Variants in PLCL1 observed in about 807,000 individuals in gnomAD.
The protein encoded by PLCL1 is inactive phospholipase C-like protein 1.
A neutral mutation model predicts 84.4 loss-of-function variants in PLCL1; 41 were observed. The observed-to-expected ratio is 0.49, with a 90% CI of 0.38 to 0.63. The LOEUF (loss-of-function observed/expected upper bound fraction) is 0.63, where lower values mean the gene tolerates loss of function less well. PLCL1 is among the 30% of genes least tolerant of loss of function. The pLI, the probability that PLCL1 is intolerant of heterozygous loss-of-function variation, is 0.00. For synonymous variants in PLCL1, 490 were observed against 488.3 expected (o/e 1.00, Z -0.05); for missense variants, 1,206 against 1,367.8 (o/e 0.88, Z 1.87).
At chr2:198,004,163 A>G (rs528051759) in intron 1 of PLCL1, among the ~76,000 whole-genome samples, 2 of 152,190 alleles carry the variant, frequency 1.3e-5, no homozygotes, top group African/African-American at 4.8e-5. Context: ...GCAAGTCTGG[A>G]AGCTGGGCCA....
At chr2:198,106,618 A>G (rs994746519) in intron 5 of PLCL1, among the ~76,000 whole-genome samples, 1 of 151,934 alleles carries the variant, frequency 6.6e-6, no homozygotes, top group Admixed American at 6.6e-5. Flanking sequence ...GAAAGGTGCT[A>G]GGGATACAAA....
At chr2:198,111,675 A>C (rs1284090217) in intron 5 of PLCL1, among the ~76,000 whole-genome samples, 1 of 151,918 alleles carries the variant, frequency 6.6e-6, no homozygotes, top group Non-Finnish European at 1.5e-5. Flanking sequence ...CCCATTTTAC[A>C]GATAGGGGAA....
chr2:197,908,777 T>C (rs1368791594), intron 1 of PLCL1, among the ~76,000 whole-genome samples: 2 of 152,216 alleles, frequency 1.3e-5, no homozygotes, highest in Non-Finnish European at 2.9e-5. Context: ...TTGTCTGAAA[T>C]AATGCTCTTC....
rs114187248 is a variant in PLCL1 at position 198,078,411 on chromosome 2, A to G, written c.241-5347A>G. ...TTGCTTGGAACTTCACAAAACCAGA[A>G]TGAATAGCATATTTTTATAGTGTAT... On this transcript the variant is annotated intron_variant, in intron 1 of 5. Coordinates refer to ENST00000428675, the MANE Select transcript of PLCL1 (RefSeq NM_006226.4). Among the ~76,000 whole-genome samples the G allele has an allele frequency of 3.1e-3, 465 of 152,316 alleles. 2 individuals carry two copies. Among genetic ancestry groups the G allele is most frequent in the African/African-American group, 0.011 (440 of 41,576 alleles).
In PLCL1 at chr2:198,118,196, G is replaced by A. The variant is rs181901819; in HGVS notation, c.3105+14260G>A. ...ATATAATAATTACAAATGCCATCAA[G>A]ATGGAAATTACAATTTTAAATTCTG... On this transcript the variant is annotated intron_variant, in intron 5 of 5. Transcript: ENST00000428675. 1.9e-3 allele frequency among the ~76,000 whole-genome samples: 283 copies of A among 152,010 alleles called. 2 individuals are homozygous for A. Among genetic ancestry groups the A allele is most frequent in the Middle Eastern group, 0.01 (3 of 294 alleles).
At chr2:197,825,004 T>G (rs1690899849) in intron 1 of PLCL1, among the ~76,000 whole-genome samples, 1 of 152,116 alleles carries the variant, frequency 6.6e-6, no homozygotes, top group Non-Finnish European at 1.5e-5. Flanking sequence ...AATATTGCCT[T>G]TTTTTTCTGC....
At chr2:197,885,862 G>A (rs1374787319) in intron 1 of PLCL1, among the ~76,000 whole-genome samples, 2 of 152,148 alleles carry the variant, frequency 1.3e-5, no homozygotes, top group Non-Finnish European at 2.9e-5. Flanking sequence ...CATCATCAGT[G>A]GGGAATGCAT....
rs745980461 is a variant in PLCL1, at chr2:198,085,738, G to A, written c.2221G>A (p.Ala741Thr). Reference sequence around the variant, plus strand: ...TTTCCCAAAGCCCAAGGGAGCTTGTGCCAAAGGGGATGTCATAGATCCCTA... The same window carrying A: ...TTTCCCAAAGCCCAAGGGAGCTTGTACCAAAGGGGATGTCATAGATCCCTA... ...QNFPKPKGAC[A>T]KGDVIDPYVC... Residue 741 changes from alanine to threonine, a missense_variant, in exon 2 of 6, where the codon GCC becomes ACC. Physicochemically the swap from Ala to Thr is moderately conservative, Grantham distance 58. Transcript: ENST00000428675. This position sits in a 1 kb window ranked among gnomAD's most constrained non-coding sequence, Gnocchi z 5.3. The A allele has an allele frequency of 6.2e-7, 1 of 1,614,138 alleles. No individual in the cohort carries two copies. Among genetic ancestry groups the A allele is most frequent in the South Asian group, 1.1e-5 (1 of 91,086 alleles).
intron 1 of PLCL1, among the ~76,000 whole-genome samples, chr2:197,918,135 G>T (rs991062374): frequency 6.6e-6 from 1 of 152,166 alleles, no homozygotes. Context: ...CACTTGATAT[G>T]ATAAAAATGG....
At chr2:198,112,330 A>G (rs895914861) in intron 5 of PLCL1, among the ~76,000 whole-genome samples, 4 of 151,792 alleles carry the variant, frequency 2.6e-5, no homozygotes, top group African/African-American at 9.7e-5. Context: ...AACAATACCA[A>G]AGCAGAAGAC....
intron 1 of PLCL1, among the ~76,000 whole-genome samples, chr2:198,007,556 A>G (rs1690757579): frequency 6.6e-6 from 1 of 152,218 alleles, no homozygotes; most frequent in Non-Finnish European, 1.5e-5. Flanking sequence ...GTTTCAGTGA[A>G]ACAGTGTAAA....
chr2:197,914,520 G>A (rs988939485), intron 1 of PLCL1, among the ~76,000 whole-genome samples: 5 of 152,042 alleles, frequency 3.3e-5, no homozygotes, highest in East Asian at 1.9e-4. Context: ...TAGTAGAGAC[G>A]GGGTTTCACA....
In PLCL1 at chr2:198,133,012, G is replaced by A. The variant is rs112058446; in HGVS notation, c.3106-13768G>A. ...TCTTGAATTGATTTTTGTATAAGGTGTAAGGAAGGGATCCAGTTTCAGCTT... is the reference window on the plus strand; with the variant it reads ...TCTTGAATTGATTTTTGTATAAGGTATAAGGAAGGGATCCAGTTTCAGCTT... On this transcript the variant is annotated intron_variant, in intron 5 of 5. Transcript: ENST00000428675. 5.7e-3 allele frequency among the ~76,000 whole-genome samples: 865 copies of A among 151,522 alleles called. 5 individuals carry two copies. The highest frequency in any genetic ancestry group is 9.1e-3 in the Non-Finnish European group (616 of 67,852).
intron 1 of PLCL1, among the ~76,000 whole-genome samples, chr2:197,904,472 G>C (rs1688337122): frequency 6.6e-6 from 1 of 152,168 alleles, no homozygotes; most frequent in Non-Finnish European, 1.5e-5. Context: ...TGGCTTAATG[G>C]ATAGTCACAG....
intron 1 of PLCL1, among the ~76,000 whole-genome samples, chr2:198,018,079 G>A (rs1263311835): frequency 2.0e-5 from 3 of 152,200 alleles, no homozygotes; most frequent in East Asian, 3.9e-4. Flanking sequence ...AGCCCATGGA[G>A]GGCGAGCAGA....
intron 1 of PLCL1, among the ~76,000 whole-genome samples, chr2:197,980,614 A>G (rs1268910605): frequency 6.6e-6 from 1 of 152,190 alleles, no homozygotes; most frequent in Admixed American, 6.5e-5. Flanking sequence ...GATCCATTTA[A>G]TAAATAATGT....
chr2:198,091,807 A>G (rs928264382), intron 3 of PLCL1, among the ~76,000 whole-genome samples: 2 of 152,178 alleles, frequency 1.3e-5, no homozygotes, highest in East Asian at 1.9e-4. Context: ...AAATCCTCCA[A>G]TGGGTTCCAT....
At chr2:197,824,371 T>TC (rs1484374813) in intron 1 of PLCL1, among the ~76,000 whole-genome samples, 1 of 152,094 alleles carries the variant, frequency 6.6e-6, no homozygotes, top group African/African-American at 2.4e-5. Context: ...CTTTTTTTTT[T>TC]CACCCTGGAA....
In PLCL1 at chr2:198,101,374, A is replaced by C. The variant is rs750141482; in HGVS notation, c.2995+14A>C. On this transcript the variant is annotated intron_variant, in intron 4 of 5. Coordinates refer to ENST00000428675, the MANE Select transcript of PLCL1 (RefSeq NM_006226.4). ...GTCAGAAAGCAGGTAATTGTTTTTA[A>C]TTTTTTTTTCTGTTTTTTTTTTCTA... The C allele has an allele frequency of 5.7e-6, 8 of 1,399,372 alleles. No individual in the cohort carries two copies. The highest frequency in any genetic ancestry group is 7.8e-6 in the Non-Finnish European group (8 of 1,021,614). The allele number at this position is 1,399,372 out of a possible 1,614,324, so 86.7% of individuals were successfully genotyped here.
Sources: gnomAD v4.1 joint callset for allele counts (sites outside exome capture counted in the v4.1 genomes callset) on GRCh38, gnomAD v4.1.1 for gene constraint, Gnocchi (gnomAD v3.1) non-coding constraint, MANE v1.5 for transcripts, NCBI Gene and HGNC (gene_info 2026-07-23, HGNC 2026-07-21) for gene names.